The following SYNE2 variants were observed in gnomAD, a reference collection of about 807,000 sequenced individuals.
SYNE2 encodes nesprin-2.
A neutral mutation model predicts 856.3 loss-of-function variants in SYNE2; 431 were observed. The ratio of observed to expected loss-of-function variants is 0.50; its 90% confidence interval spans 0.47 to 0.55. The LOEUF (loss-of-function observed/expected upper bound fraction) is 0.55. SYNE2 is among the 20% of genes least tolerant of loss of function. SYNE2 has a pLI of 0.00. For missense variants in SYNE2, 8,129 were observed against 8,023.2 expected, an observed-to-expected ratio of 1.01 and a Z score of -0.50; for synonymous variants, 2,923 against 2,872.3, an observed-to-expected ratio of 1.02 and a Z score of -0.56.
intron 104 of SYNE2, 108 bp from the exon 105 acceptor site, chr14:64,212,700 AAAC>A: frequency 5.8e-6 from 6 of 1,026,520 alleles, no homozygotes; most frequent in Non-Finnish European, 9.1e-6. Flanking sequence ...AGGTGAAGGA[AAAC>A]AACAATAATG....
intron 1 of SYNE2, among the ~76,000 whole-genome samples, chr14:63,818,098 C>G (rs145612595): frequency 6.6e-6 from 1 of 150,456 alleles, no homozygotes; most frequent in Admixed American, 6.6e-5. Flanking sequence ...GTGATCCCAG[C>G]ACTTTGGGAG....
At chr14:63,790,377 GGAAA>G (rs1001659335) in intron 1 of SYNE2, among the ~76,000 whole-genome samples, 8 of 151,146 alleles carry the variant, frequency 5.3e-5, no homozygotes, top group African/African-American at 1.7e-4. Context: ...AAAGAAGGAA[GGAAA>G]GAAAGAAAAA....
rs1188374243 is a variant in SYNE2, at chr14:63,944,517, CTTTTTTTTTTTT to C, written c.408+2387_408+2398del. Among the ~76,000 whole-genome samples the C allele has an allele frequency of 4.4e-5, 4 of 90,130 alleles. No homozygotes were observed. In the East Asian group the frequency reaches 9.5e-4, roughly 21 times the overall value. The allele number at this position is 90,130 out of a possible 152,430, so 59.1% of individuals were successfully genotyped here. ...TAGGGTTTGCAAACTTAAAGCCTTT[CTTTTTTTTTTTT>C]TTTTTTTTTTTTGAGACAGAGTCTC... On this transcript the variant is annotated intron_variant, in intron 6 of 115. Transcript: ENST00000555002.
rs555647765 is a variant in SYNE2 at position 64,085,423 on chromosome 14, C to CA, written c.11485-2247dup. ...TGAATACCAGGAGGTAGGGGTCATTCAGGGCTACCTTAGAGGCTGCTACCA... is the reference window on the plus strand; with the variant it reads ...TGAATACCAGGAGGTAGGGGTCATTCAAGGGCTACCTTAGAGGCTGCTACCA... On this transcript the variant is annotated intron_variant, in intron 57 of 115. Coordinates refer to ENST00000555002, the MANE Select transcript of SYNE2 (RefSeq NM_182914.3). 1.9e-3 allele frequency among the ~76,000 whole-genome samples: 284 copies of CA among 152,298 alleles called. 2 individuals carry two copies. Among genetic ancestry groups the CA allele is most frequent in the African/African-American group, 6.5e-3 (272 of 41,550 alleles).
intron 2 of SYNE2, among the ~76,000 whole-genome samples, chr14:63,927,646 C>T (rs548605307): frequency 1.5e-4 from 23 of 152,172 alleles, no homozygotes; most frequent in Admixed American, 3.3e-4. Context: ...GTAATCATAG[C>T]GCTTTGGGAG....
At chr14:64,182,842 T>A (rs1373001327) in intron 96 of SYNE2, among the ~76,000 whole-genome samples, 6 of 152,236 alleles carry the variant, frequency 3.9e-5, no homozygotes, top group Non-Finnish European at 7.3e-5. Context: ...CATTTCCCCC[T>A]TTTCTATTTG....
At chr14:63,959,658 T>C (rs111328010) in intron 8 of SYNE2, among the ~76,000 whole-genome samples, 1,872 of 152,242 alleles carry the variant, frequency 0.012, 43 homozygotes, top group African/African-American at 0.042. Context: ...TTGTTACTAA[T>C]TCTTGTTAAC....
intron 94 of SYNE2, among the ~76,000 whole-genome samples, chr14:64,172,999 C>T (rs999741307): frequency 1.3e-5 from 2 of 151,892 alleles, no homozygotes; most frequent in African/African-American, 4.8e-5. Flanking sequence ...TTGAAAGAGC[C>T]TATTTGGGTG....
chr14:64,009,535 CAAAAAAAAAAAA>C (rs67434536), intron 31 of SYNE2, among the ~76,000 whole-genome samples: 2 of 77,440 alleles, frequency 2.6e-5, no homozygotes, highest in South Asian at 4.9e-4. Context: ...GACTCTGTCT[CAAAAAAAAAAAA>C]AAAAAAAAAA....
At chr14:63,859,741 A>C (rs1296100877) in intron 1 of SYNE2, among the ~76,000 whole-genome samples, 4 of 152,192 alleles carry the variant, frequency 2.6e-5, no homozygotes, top group Non-Finnish European at 5.9e-5. Context: ...GCTTGAACTC[A>C]GGGGGTGGAG....
At chr14:64,182,611 C>T (rs1027329728) in intron 96 of SYNE2, among the ~76,000 whole-genome samples, 97 of 152,138 alleles carry the variant, frequency 6.4e-4, no homozygotes, top group Non-Finnish European at 1.2e-3. Flanking sequence ...ATGCTGCCTT[C>T]AAGCATCTGT....
intron 58 of SYNE2, 75 bp downstream of exon 58, chr14:64,087,931 C>T (rs1265051597): frequency 6.5e-7 from 1 of 1,533,908 alleles, no homozygotes; most frequent in African/African-American, 1.4e-5. Context: ...CCCTATAATT[C>T]CAGCACTTTG....
At position 64,130,377 on chromosome 14, in the gene SYNE2, T is replaced by A. The variant is rs1347169412; in HGVS notation, c.14340+129T>A. 1.0e-5 allele frequency: 9 copies of A among 874,056 alleles called. No individual in the cohort carries two copies. In the Admixed American group the frequency reaches 1.9e-4, roughly 18 times the overall value. 54.1% of individuals were successfully genotyped at this position (874,056 alleles called of 1,614,324 possible). A position where few individuals can be genotyped will look rare whatever the true frequency, so the allele number is the denominator to read the frequency against. On this transcript the variant is annotated intron_variant, in intron 76 of 115. Transcript: ENST00000555002. ...AAGCTATTCATTCTTTTAATAAACA[T>A]CTATTAGAATGCTTAATGTGTACCA...
intron 85 of SYNE2, among the ~76,000 whole-genome samples, chr14:64,154,902 C>T (rs1410421656): frequency 6.6e-6 from 1 of 151,836 alleles, no homozygotes; most frequent in Non-Finnish European, 1.5e-5. Context: ...CATTAACCAT[C>T]AAGGAAATGA....
rs1368332873 is a variant in SYNE2, at chr14:63,942,095, C to A, written c.360C>A (p.Asn120Lys). 1.2e-6 allele frequency: 2 copies of A among 1,611,284 alleles called. No individual in the cohort carries two copies. Among genetic ancestry groups the A allele is most frequent in the East Asian group, 2.2e-5 (1 of 44,838 alleles). ...ATGTTACTGATATCATTGATGGAAA[C>A]CCATCCATTATCCTTGGCCTAATTT... ...NIHVTDIIDG[N>K]PSIILGLIWT... The change falls in exon 6 of 116, where the codon AAC becomes AAA. Residue 120 changes from asparagine to lysine, a missense_variant. Physicochemically the swap from Asn to Lys is moderately conservative, Grantham distance 94. Around this residue, in one of 3 missense-constraint regions of SYNE2, gnomAD observed 2,422 missense variants for 2,357.4 expected, o/e 1.03. Coordinates refer to ENST00000555002, the MANE Select transcript of SYNE2 (RefSeq NM_182914.3).
At chr14:64,128,650 G>A (rs1211087967) in intron 74 of SYNE2, 97 bp downstream of exon 74, 5 of 793,892 alleles carry the variant, frequency 6.3e-6, no homozygotes, top group South Asian at 4.1e-5. Flanking sequence ...GTGAGCAGCA[G>A]CAAGGCTTAA....
chr14:63,914,884 T>G (rs1191868281), intron 2 of SYNE2, among the ~76,000 whole-genome samples: 1 of 152,184 alleles, frequency 6.6e-6, no homozygotes, highest in Non-Finnish European at 1.5e-5. Context: ...TTCAAGCAGT[T>G]CTTGTGTCTT....
chr14:64,135,935 C>T (rs1309012275), intron 78 of SYNE2, among the ~76,000 whole-genome samples: 1 of 152,110 alleles, frequency 6.6e-6, no homozygotes, highest in East Asian at 1.9e-4. Context: ...AGTCAACAAA[C>T]CTGTGTTCAA....
chr14:64,138,946 G>GGTGTGTGTGTGTGTGT (rs150016027), intron 79 of SYNE2, among the ~76,000 whole-genome samples: 9 of 137,786 alleles, frequency 6.5e-5, no homozygotes, highest in South Asian at 2.4e-4. Flanking sequence ...GTGTATGTAT[G>GGTGTGTGTGTGTGTGT]GTGTGTGTGT....
Sources: gnomAD v4.1 joint callset for allele counts (sites outside exome capture counted in the v4.1 genomes callset) on GRCh38, gnomAD v4.1.1 for gene constraint, gnomAD v4.1.1 regional missense constraint, MANE v1.5 for transcripts, NCBI Gene and HGNC (gene_info 2026-07-23, HGNC 2026-07-21) for gene names.